Variants in CCDC178 observed in about 807,000 individuals in gnomAD.
CCDC178 encodes the protein coiled-coil domain-containing protein 178.
In CCDC178, 126 loss-of-function variants were observed where a neutral mutation model predicts 117.4. That is an observed-to-expected ratio of 1.07 (90% CI 0.93 to 1.24). The LOEUF (loss-of-function observed/expected upper bound fraction) is 1.24. Ranked by LOEUF, CCDC178 falls within the 50% of genes most tolerant of loss-of-function variation. The pLI is 0.00. For missense variants in CCDC178, 1,030 were observed against 986.9 expected, an observed-to-expected ratio of 1.04 and a Z score of -0.59; for synonymous variants, 283 against 313.4, an observed-to-expected ratio of 0.90 and a Z score of 1.02.
At chr18:32,957,603 A>G (rs2054620905) in intron 22 of CCDC178, among the ~76,000 whole-genome samples, 1 of 152,224 alleles carries the variant, frequency 6.6e-6, no homozygotes, top group South Asian at 2.1e-4. Context: ...AATGCTTCAA[A>G]TCAATTTTTA....
chr18:33,422,224 ATTCTT>A (rs2064035561), intron 2 of CCDC178, among the ~76,000 whole-genome samples: 1 of 152,074 alleles, frequency 6.6e-6, no homozygotes, highest in East Asian at 1.9e-4. Context: ...GAAGCCACAC[ATTCTT>A]TTCTTTTCTA....
intron 3 of CCDC178, among the ~76,000 whole-genome samples, chr18:33,401,378 C>T (rs977488823): frequency 2.0e-5 from 3 of 151,990 alleles, no homozygotes; most frequent in East Asian, 3.9e-4. Flanking sequence ...TGCAATAAAA[C>T]GAGAGGTGCC....
chr18:33,101,254 T>A (rs2057621757), intron 20 of CCDC178, among the ~76,000 whole-genome samples: 1 of 151,120 alleles, frequency 6.6e-6, no homozygotes, highest in Non-Finnish European at 1.5e-5. Context: ...GTTGATATTT[T>A]AAAATATATT....
rs183867116 is a variant in CCDC178, at chr18:33,033,195, A to G, written c.2389-58514T>C. Among the ~76,000 whole-genome samples, 7 of 152,224 alleles carry G rather than the reference A, an allele frequency of 4.6e-5. No individual in the cohort carries two copies. In the East Asian group the frequency reaches 1.2e-3, roughly 25 times the overall value. On this transcript the variant is annotated intron_variant, in intron 21 of 22. Transcript: ENST00000383096. ...ACTCCTCCAACAACCTACAAAAGGA[A>G]TGAATTTGGAGAGGGTCCTTGAAAA...
chr18:33,259,460 C>T (rs2059715858), intron 14 of CCDC178, among the ~76,000 whole-genome samples: 1 of 152,114 alleles, frequency 6.6e-6, no homozygotes, highest in African/African-American at 2.4e-5. Context: ...GGAAGCATGA[C>T]TAGGAGGCCT....
intron 11 of CCDC178, among the ~76,000 whole-genome samples, chr18:33,318,093 G>A (rs893511589): frequency 1.3e-5 from 2 of 152,100 alleles, no homozygotes; most frequent in Non-Finnish European, 2.9e-5. Flanking sequence ...CCCTCCCCTT[G>A]CTTTTAATGT....
chr18:33,424,132 G>C (rs777428686), intron 2 of CCDC178, among the ~76,000 whole-genome samples: 1 of 151,860 alleles, frequency 6.6e-6, no homozygotes, highest in Non-Finnish European at 1.5e-5. Flanking sequence ...TATTCTTCCA[G>C]TAATTATAAA....
At chr18:33,409,899 T>C (rs1206316302) in intron 3 of CCDC178, among the ~76,000 whole-genome samples, 1 of 152,244 alleles carries the variant, frequency 6.6e-6, no homozygotes, top group Admixed American at 6.5e-5. Flanking sequence ...GACAATTTAT[T>C]AACTATATTC....
chr18:33,429,527 G>A (rs2064175916), intron 2 of CCDC178, among the ~76,000 whole-genome samples: 1 of 152,006 alleles, frequency 6.6e-6, no homozygotes, highest in African/African-American at 2.4e-5. Context: ...GCAAAAGAAT[G>A]GCATATAAAG....
chr18:33,364,080 T>C (rs1365547026), intron 6 of CCDC178, among the ~76,000 whole-genome samples: 1 of 152,050 alleles, frequency 6.6e-6, no homozygotes, highest in Non-Finnish European at 1.5e-5. Context: ...CCAACAACCA[T>C]GTGAGTGAGA....
intron 21 of CCDC178, among the ~76,000 whole-genome samples, chr18:33,030,528 G>GATAGATAGATAGATAC (rs746622452): frequency 0.011 from 1,628 of 150,440 alleles, 11 homozygotes; most frequent in African/African-American, 0.014. Flanking sequence ...ATAGAAGATA[G>GATAGATAGATAGATAC]ATAGATAGAT....
At chr18:33,395,667 T>C (rs919512269) in intron 4 of CCDC178, among the ~76,000 whole-genome samples, 4 of 152,120 alleles carry the variant, frequency 2.6e-5, no homozygotes, top group African/African-American at 9.7e-5. Context: ...CAGTGCTATG[T>C]TCCTGACAGA....
intron 15 of CCDC178, among the ~76,000 whole-genome samples, chr18:33,241,416 C>T (rs983493270): frequency 2.2e-5 from 3 of 133,412 alleles, no homozygotes; most frequent in Admixed American, 8.2e-5. Flanking sequence ...ACCCTCTTTG[C>T]AGATTATATG....
At chr18:33,220,432 T>C (rs767212789) in intron 18 of CCDC178, among the ~76,000 whole-genome samples, 15 of 152,084 alleles carry the variant, frequency 9.9e-5, no homozygotes, top group African/African-American at 1.9e-4. Flanking sequence ...AAGCCTTTAC[T>C]ATTTTCTCTA....
At position 33,367,681 on chromosome 18, in the gene CCDC178, GA is replaced by G. The variant is rs2063231656; in HGVS notation, c.348+2368del. On this transcript the variant is annotated intron_variant, in intron 6 of 22. Coordinates refer to ENST00000383096, the MANE Select transcript of CCDC178 (RefSeq NM_001105528.4). Reference sequence around the variant, plus strand: ...AAAATATTAGTTCAAATACTGCATAGATTTGAACTAAATATCTAATGGAGAG... The same window carrying G: ...AAAATATTAGTTCAAATACTGCATAGTTTGAACTAAATATCTAATGGAGAG... 7.8e-4 allele frequency among the ~76,000 whole-genome samples: 119 copies of G among 151,942 alleles called. 2 individuals carry two copies. The South Asian group carries it at 0.024, about 31-fold the overall frequency.
chr18:33,211,569 C>G (rs1466834179), intron 20 of CCDC178, among the ~76,000 whole-genome samples: 1 of 151,488 alleles, frequency 6.6e-6, no homozygotes, highest in African/African-American at 2.4e-5. Context: ...AAATGATAAC[C>G]ATTCTCATTC....
chr18:33,356,375 T>C, intron 6 of CCDC178, 29 bp from the exon 7 acceptor site: 3 of 1,462,524 alleles, frequency 2.1e-6, no homozygotes, highest in Non-Finnish European at 2.8e-6. Context: ...TCAATAAAAA[T>C]CAAATCTTAA....
intron 20 of CCDC178, among the ~76,000 whole-genome samples, chr18:33,124,130 C>T (rs559224846): frequency 6.6e-6 from 1 of 152,310 alleles, no homozygotes; most frequent in East Asian, 1.9e-4. Context: ...ATGGAACAGA[C>T]TACACTTCAC....
At chr18:33,099,456 G>A (rs1480778558) in intron 20 of CCDC178, among the ~76,000 whole-genome samples, 5 of 151,972 alleles carry the variant, frequency 3.3e-5, no homozygotes, top group Admixed American at 3.3e-4. Flanking sequence ...CTGATTCATA[G>A]CATGTACAGG....
Sources: allele counts gnomAD v4.1 joint callset (sites outside exome capture counted in the v4.1 genomes callset), GRCh38; gene constraint gnomAD v4.1.1; transcripts MANE v1.5; gene names NCBI Gene and HGNC (gene_info 2026-07-23, HGNC 2026-07-21).